Variants in SH3D21 observed in about 807,000 individuals in gnomAD.
The protein encoded by SH3D21 is SH3 domain-containing protein 21.
Under a neutral mutation model 82.1 loss-of-function variants are expected in SH3D21, and 83 were observed. That is an observed-to-expected ratio of 1.01 (90% CI 0.85 to 1.21). The LOEUF is 1.21. Ranked by LOEUF, SH3D21 falls within the 50% of genes most tolerant of loss-of-function variation. The pLI, the probability that SH3D21 is intolerant of heterozygous loss-of-function variation, is 0.00. For missense variants in SH3D21, 980 were observed against 962.1 expected, an observed-to-expected ratio of 1.02 and a Z score of -0.25; for synonymous variants, 383 against 387.8, an observed-to-expected ratio of 0.99 and a Z score of 0.15.
chr1:36,309,473 A>G (rs1407555629), intron 9 of SH3D21, 75 bp from the exon 10 acceptor site: 11 of 1,521,746 alleles, frequency 7.2e-6, no homozygotes, highest in African/African-American at 4.1e-5. Flanking sequence ...GGTGTGAGCC[A>G]CCACGCCTGG....
chr1:36,317,547 C>A (rs559818461), intron 10 of SH3D21, among the ~76,000 whole-genome samples: 1 of 152,236 alleles, frequency 6.6e-6, no homozygotes, highest in South Asian at 2.1e-4. Context: ...ATGGTTCCTT[C>A]CTCTGCCTAG....
chr1:36,324,016 T>G (rs964024010), downstream of SH3D21: 3 of 152,302 alleles, frequency 2.0e-5, no homozygotes, highest in Non-Finnish European at 4.4e-5. Flanking sequence ...TGCTCTCTGA[T>G]CCTAAAGCCT....
chr1:36,320,929 A>G lies in SH3D21; in HGVS notation c.2150A>G (p.Asp717Gly). 6.4e-7 allele frequency: 1 copy of G among 1,565,778 alleles called. No individual in the cohort carries two copies. The highest frequency in any genetic ancestry group is 8.7e-7 in the Non-Finnish European group (1 of 1,155,268). ...TCGGCCCGCAGGAGGAAGCTGACCGACATCTGGGAGGAGCTGAAGAGCGAG... is the reference window on the plus strand; with the variant it reads ...TCGGCCCGCAGGAGGAAGCTGACCGGCATCTGGGAGGAGCTGAAGAGCGAG... The part of the protein sequence containing the change: ...MEVQLERKLT[D>G]IWEELKSEKE... Residue 717 changes from aspartate (D) to glycine (G), a missense_variant, in exon 15 of 16, where the codon GAC becomes GGC. Physicochemically the swap from Asp to Gly is moderately conservative, Grantham distance 94. Transcript: ENST00000453908.
intron 9 of SH3D21, 73 bp from the exon 10 acceptor site, chr1:36,309,475 C>T: frequency 3.3e-6 from 5 of 1,524,748 alleles, no homozygotes; most frequent in Non-Finnish European, 4.4e-6. Context: ...TGTGAGCCAC[C>T]ACGCCTGGCC....
In SH3D21 at chr1:36,320,480, C is replaced by T. The variant is rs566926333; in HGVS notation, c.1817C>T (p.Pro606Leu). 2 of 1,613,862 alleles carry T rather than the reference C, an allele frequency of 1.2e-6. No homozygotes were observed. The highest frequency in any genetic ancestry group is 1.7e-6 in the Non-Finnish European group (2 of 1,179,920). Reference protein sequence around the residue: ...DERTPEEEAPPNEQRPLREEV... With the variant: ...DERTPEEEAPLNEQRPLREEV... ...AGGACCCCTGAAGAGGAGGCGCCCC[C>T]CAACGAGCAGAGGCCTCTGAGAGAG... The change falls in exon 14 of 16, where the codon CCC (proline) becomes CTC (leucine). Residue 606 changes from proline (P) to leucine (L), a missense_variant. Coordinates refer to ENST00000453908, the MANE Select transcript of SH3D21 (RefSeq NM_001162530.2).
downstream of SH3D21, chr1:36,323,869 C>A (rs1646512395): frequency 6.6e-6 from 1 of 152,278 alleles, no homozygotes; most frequent in African/African-American, 2.4e-5. Flanking sequence ...AAGGGCTAAA[C>A]CTTGGACAGG....
rs1207014644 is a variant in SH3D21, at chr1:36,313,967, A to ATTTTT, written c.769+4381_769+4382insTTTTT. On this transcript the variant is annotated intron_variant, in intron 10 of 15. Transcript: ENST00000453908. ...TCTGATGGCTAATGATGCTGAACAT[A>ATTTTT]TTTTCTTTTTTTTTTTTTTTTTTTT... Among the ~76,000 whole-genome samples the ATTTTT allele has an allele frequency of 8.9e-4, 33 of 36,928 alleles. 3 individuals are homozygous for ATTTTT. The highest frequency in any genetic ancestry group is 2.3e-3 in the African/African-American group (32 of 14,216). The allele number at this position is 36,928 out of a possible 152,430, so 24.2% of individuals were successfully genotyped here.
At chr1:36,309,922 CTG>C (rs1441698968) in intron 10 of SH3D21, among the ~76,000 whole-genome samples, 1 of 152,076 alleles carries the variant, frequency 6.6e-6, no homozygotes, top group Non-Finnish European at 1.5e-5. Flanking sequence ...GAATAGCTCT[CTG>C]TGTGTCTGTG....
chr1:36,325,664 C>G (rs961295469), downstream of SH3D21, among the ~76,000 whole-genome samples: 11 of 152,182 alleles, frequency 7.2e-5, no homozygotes, highest in African/African-American at 2.4e-4. Context: ...CCTGCCTCAG[C>G]TTCCCAAGTA....
chr1:36,319,681 G>C lies in SH3D21; in HGVS notation c.1018G>C (p.Glu340Gln). Residue 340 changes from glutamate to glutamine, a missense_variant, in exon 14 of 16, where the codon GAG becomes CAG. By Grantham distance (29) the Glu-to-Gln change is conservative. Transcript: ENST00000453908. ...QQRSVSSQEE[E>Q]HSSPVKAPSV... ...TCACCTCCCATCACGGCAGGAGGAA[G>C]AGCACAGCAGCCCGGTAAAGGCCCC... The C allele has an allele frequency of 6.3e-7, 1 of 1,584,814 alleles. No homozygotes were observed. The highest frequency in any genetic ancestry group is 8.6e-7 in the Non-Finnish European group (1 of 1,166,354).
Position 36,308,381 on chromosome 1 carries a change from T to C in SH3D21, c.640-8T>C. On this transcript the variant is annotated splice_region_variant and splice_polypyrimidine_tract_variant and intron_variant, in intron 8 of 15. Transcript: ENST00000453908. Reference sequence around the variant, plus strand: ...GCTCACCTCCCCACTGGCGTGTTTCTTTTCCAGACCACAGAGGATAAGGGC... The same window carrying C: ...GCTCACCTCCCCACTGGCGTGTTTCCTTTCCAGACCACAGAGGATAAGGGC... The C allele has an allele frequency of 6.4e-7, 1 of 1,551,718 alleles. No homozygotes were observed. The highest frequency in any genetic ancestry group is 1.4e-5 in the African/African-American group (1 of 73,140).
At chr1:36,308,366 C>T in intron 8 of SH3D21, 23 bp from the exon 9 acceptor site, 1 of 1,550,238 alleles carries the variant, frequency 6.5e-7, no homozygotes, top group Non-Finnish European at 8.7e-7. Flanking sequence ...GCTCACCTCC[C>T]CACTGGCGTG....
chr1:36,322,013 CAG>C (rs917040969), downstream of SH3D21: 29 of 1,255,136 alleles, frequency 2.3e-5, no homozygotes, highest in African/African-American at 4.4e-4. Context: ...GCAGGAGTAA[CAG>C]AGGGAGAGAC....
intron 7 of SH3D21, 45 bp from the exon 8 acceptor site, chr1:36,308,064 G>C: frequency 6.5e-7 from 1 of 1,546,108 alleles, no homozygotes; most frequent in South Asian, 1.2e-5. Context: ...GCTGATGGAT[G>C]GGGGAGGCTT....
downstream of SH3D21, chr1:36,321,987 C>T (rs1646471300): frequency 8.4e-7 from 1 of 1,192,156 alleles, no homozygotes; most frequent in Non-Finnish European, 1.0e-6. This position sits in a 1 kb window ranked among gnomAD's most constrained non-coding sequence, Gnocchi z 6.1. Context: ...TGGCAGGAGC[C>T]TGGGGGTCGC....
In SH3D21 at chr1:36,306,549, C is replaced by T. The variant is rs1281401124; in HGVS notation, c.5-49C>T. 2 of 1,302,592 alleles carry T rather than the reference C, an allele frequency of 1.5e-6. No homozygotes were observed. The highest frequency in any genetic ancestry group is 1.1e-4 in the East Asian group (2 of 17,980). The allele number at this position is 1,302,592 out of a possible 1,614,324, so 80.7% of individuals were successfully genotyped here. On this transcript the variant is annotated intron_variant, in intron 1 of 15. Transcript: ENST00000453908. The surrounding 1 kb of genome is among the most constrained non-coding windows in gnomAD (Gnocchi z 4.5). ...GACACGCCCGCCCTAGCCAGGCTGC[C>T]CGGCTGGGCCTTTCTGAGCCGCACG...
In SH3D21 at chr1:36,321,093, C is replaced by T. The variant is rs1646453368; in HGVS notation, c.2237C>T (p.Pro746Leu). 1 of 1,612,114 alleles carries T rather than the reference C, an allele frequency of 6.2e-7. No individual in the cohort carries two copies. The highest frequency in any genetic ancestry group is 8.5e-7 in the Non-Finnish European group (1 of 1,179,446). Residue 746 changes from proline to leucine, a missense_variant, in exon 16 of 16, where the codon CCG (proline) becomes CTG (leucine). Coordinates refer to ENST00000453908, the MANE Select transcript of SH3D21 (RefSeq NM_001162530.2). This position sits in a 1 kb window ranked among gnomAD's most constrained non-coding sequence, Gnocchi z 6.1. Reference protein sequence around the residue: ...VMQGTQKSQTPRVIHTQTQTY With the variant: ...VMQGTQKSQTLRVIHTQTQTY ...CAGGGGACCCAGAAGTCCCAGACCC[C>T]GCGCGTCATCCACACGCAGACGCAG...
At chr1:36,323,210 C>T (rs547782098), downstream of SH3D21, 2 of 702,200 alleles carry the variant, frequency 2.8e-6, no homozygotes, top group East Asian at 3.3e-5. Flanking sequence ...GGCCCGGGGC[C>T]CTGTCGGGGG....
intron 10 of SH3D21, among the ~76,000 whole-genome samples, chr1:36,313,019 T>G (rs1646270928): frequency 6.6e-6 from 1 of 151,780 alleles, no homozygotes; most frequent in African/African-American, 2.4e-5. Context: ...GCCTATCTGG[T>G]GGATCTTATA....
Sources: gnomAD v4.1 joint callset for allele counts (sites outside exome capture counted in the v4.1 genomes callset) on GRCh38, gnomAD v4.1.1 for gene constraint, Gnocchi (gnomAD v3.1) non-coding constraint, MANE v1.5 for transcripts, NCBI Gene and HGNC (gene_info 2026-07-23, HGNC 2026-07-21) for gene names.